The following FOLR2 variants were observed in gnomAD, a reference collection of about 807,000 sequenced individuals.
The protein encoded by FOLR2 is folate receptor beta.
Under a neutral mutation model 20.4 loss-of-function variants are expected in FOLR2, and 14 were observed. That is an observed-to-expected ratio of 0.68 (90% CI 0.45 to 1.07). The LOEUF is 1.07. Ranked by LOEUF, FOLR2 falls within the 50% of genes least tolerant of loss-of-function variation. FOLR2 has a pLI of 0.00. For synonymous variants in FOLR2, 114 were observed against 114.3 expected (o/e 1.00, Z 0.02); for missense variants, 269 against 322.6 (o/e 0.83, Z 1.27).
chr11:72,221,548 G>C lies in FOLR2; in HGVS notation c.554G>C (p.Gly185Ala), dbSNP rs1948494519. 1.2e-6 allele frequency: 2 copies of C among 1,614,054 alleles called. No individual in the cohort carries two copies. Among genetic ancestry groups the C allele is most frequent in the East Asian group, 4.5e-5 (2 of 44,882 alleles). ...CCCACTCCAGCTGCCCTTTGTGAAG[G>C]CCTCTGGAGTCACTCATACAAGGTC... ...YFPTPAALCEGLWSHSYKVSN... is the reference protein window; with the variant it reads ...YFPTPAALCEALWSHSYKVSN... The change falls in exon 5 of 5, where the codon GGC becomes GCC. Residue 185 changes from glycine to alanine, a missense_variant. Physicochemically the swap from Gly to Ala is moderately conservative, Grantham distance 60. Transcript: ENST00000298223.
intron 2 of FOLR2, among the ~76,000 whole-genome samples, chr11:72,220,068 C>T (rs1948458425): frequency 1.3e-5 from 2 of 152,134 alleles, no homozygotes; most frequent in Non-Finnish European, 2.9e-5. Context: ...GTCTCAAACT[C>T]CTGACCTCAG....
At position 72,221,616 on chromosome 11, in the gene FOLR2, T is replaced by C. The variant is rs1434526721; in HGVS notation, c.622T>C (p.Phe208Leu). The C allele has an allele frequency of 4.3e-6, 7 of 1,614,136 alleles. No individual in the cohort carries two copies. The change falls in exon 5 of 5, where the codon TTT (phenylalanine) becomes CTT (leucine). Residue 208 changes from phenylalanine (F) to leucine (L), a missense_variant. By Grantham distance (22) the Phe-to-Leu change is conservative (BLOSUM62 0). Transcript: ENST00000298223. ...RGSGRCIQMW[F>L]DSAQGNPNEE... ...GAGCGGCCGCTGCATCCAGATGTGGTTTGATTCAGCCCAGGGCAACCCCAA... is the reference window on the plus strand; with the variant it reads ...GAGCGGCCGCTGCATCCAGATGTGGCTTGATTCAGCCCAGGGCAACCCCAA...
rs1281660102 is a variant in FOLR2, at chr11:72,221,627, C to T, written c.633C>T (p.Ala211=). 6.2e-7 allele frequency: 1 copy of T among 1,614,030 alleles called. No homozygotes were observed. The highest frequency in any genetic ancestry group is 8.5e-7 in the Non-Finnish European group (1 of 1,180,036). ...GRCIQMWFDS[A]QGNPNEEVAR... ...GCATCCAGATGTGGTTTGATTCAGC[C>T]CAGGGCAACCCCAACGAGGAAGTGG... Residue 211 remains alanine (A), a synonymous_variant, in exon 5 of 5, where the codon GCC becomes GCT. Transcript: ENST00000298223.
Position 72,221,069 on chromosome 11 carries a change from T to TTGGGGCCC in FOLR2, c.339+11_339+12insTGGGGCCC. ...CCCTGGATCCAGCAGGTAGGGTGTC[T>TTGGGGCCC]CCCCCCCACCCACCCCAGCAGACTG... is the stretch of plus-strand genomic sequence containing the variant. On this transcript the variant is annotated intron_variant, in intron 3 of 4. Transcript: ENST00000298223. 1.4e-6 allele frequency: 1 copy of TTGGGGCCC among 717,300 alleles called. No individual in the cohort carries two copies. The highest frequency in any genetic ancestry group is 2.2e-6 in the Non-Finnish European group (1 of 458,084). The allele number at this position is 717,300 out of a possible 1,614,324, so 44.4% of individuals were successfully genotyped here.
In FOLR2 at chr11:72,221,838, C is replaced by A; in HGVS notation, c.*76C>A. ...TCAGCTCAGCTCCCACAAATGACAG[C>A]CCCTTAAGCATGCTTCTATTAGTCA... On this transcript the variant is annotated 3_prime_UTR_variant, in exon 5 of 5. Transcript: ENST00000298223. 7.1e-7 allele frequency: 1 copy of A among 1,410,322 alleles called. No homozygotes were observed. The highest frequency in any genetic ancestry group is 9.7e-7 in the Non-Finnish European group (1 of 1,029,254). 87.4% of individuals were successfully genotyped at this position (1,410,322 alleles called of 1,614,324 possible). A position where few individuals can be genotyped will look rare whatever the true frequency, so the allele number is the denominator to read the frequency against.
At chr11:72,220,275 G>A (rs1469116123) in intron 2 of FOLR2, among the ~76,000 whole-genome samples, 6 of 152,178 alleles carry the variant, frequency 3.9e-5, no homozygotes, top group Non-Finnish European at 7.3e-5. Flanking sequence ...ATTACTCCAT[G>A]GCTCGCTCCC....
At chr11:72,221,117 G>C in intron 3 of FOLR2, 59 bp downstream of exon 3, 5 of 1,300,952 alleles carry the variant, frequency 3.8e-6, no homozygotes, top group Non-Finnish European at 5.0e-6. Context: ...GTCACTTCAA[G>C]GCGATGGCTG....
Position 72,216,929 on chromosome 11 carries a change from A to G in FOLR2, c.-25+4A>G, listed in dbSNP as rs371443707. On this transcript the variant is annotated splice_donor_region_variant and intron_variant, in intron 1 of 4. Coordinates refer to ENST00000298223, the MANE Select transcript of FOLR2 (RefSeq NM_000803.5). The stretch of plus-strand genomic sequence containing the variant: ...CCCAGCAGCAACGGAGGTTCAGGCA[A>G]GATGCCCGAAGGAGGGAAGGGTGAC... 6 of 1,599,572 alleles carry G rather than the reference A, an allele frequency of 3.8e-6. No homozygotes were observed. In the African/African-American group the frequency reaches 8.0e-5, roughly 21 times the overall value.
intron 2 of FOLR2, among the ~76,000 whole-genome samples, chr11:72,220,373 T>C (rs1258035517): frequency 6.6e-6 from 1 of 152,258 alleles, no homozygotes; most frequent in Non-Finnish European, 1.5e-5. Flanking sequence ...TTCCTGCTCA[T>C]ATCATTTAAC....
intron 3 of FOLR2, 49 bp downstream of exon 3, chr11:72,221,107 G>A: frequency 1.1e-6 from 1 of 920,308 alleles, no homozygotes; most frequent in Non-Finnish European, 1.3e-6. Context: ...ATCCCCCTCA[G>A]TCACTTCAAG....
chr11:72,217,490 T>G, intron 1 of FOLR2: 1 of 882,542 alleles, frequency 1.1e-6, no homozygotes, highest in Non-Finnish European at 1.6e-6. Context: ...ATCCACTCTT[T>G]AGTGACAGAG....
intron 1 of FOLR2, among the ~76,000 whole-genome samples, chr11:72,218,189 C>G (rs1565372984): frequency 1.3e-5 from 2 of 152,194 alleles, no homozygotes; most frequent in Non-Finnish European, 2.9e-5. Context: ...CCTTGCTGGA[C>G]AGAGGGTGAA....
rs746752162 is a variant in FOLR2, at chr11:72,221,466, G to A, written c.476-4G>A. On this transcript the variant is annotated splice_region_variant and splice_polypyrimidine_tract_variant and intron_variant, in intron 4 of 4. Transcript: ENST00000298223. ...GTCTGTGTCCACCATGCCTCTCCCT[G>A]CAGGAGTTAACAAGTGCCCAGCTGG... The A allele has an allele frequency of 1.2e-6, 2 of 1,613,268 alleles. No homozygotes were observed. Among genetic ancestry groups the A allele is most frequent in the South Asian group, 2.2e-5 (2 of 91,030 alleles).
intron 4 of FOLR2, 76 bp downstream of exon 4, chr11:72,221,387 G>A (rs1403012813): frequency 6.3e-7 from 1 of 1,597,442 alleles, no homozygotes; most frequent in African/African-American, 1.3e-5. Flanking sequence ...ATTTGGGGTG[G>A]GGTGAAGATT....
Position 72,221,067 on chromosome 11 carries a change from T to TCGGGGGGGGGGCCCC in FOLR2, c.339+10_339+11insGGGGGGGGGGCCCCC. The TCGGGGGGGGGGCCCC allele has an allele frequency of 3.2e-5, 50 of 1,569,488 alleles. No homozygotes were observed. Among genetic ancestry groups the TCGGGGGGGGGGCCCC allele is most frequent in the Non-Finnish European group, 4.2e-5 (48 of 1,154,358 alleles). On this transcript the variant is annotated intron_variant, in intron 3 of 4. Transcript: ENST00000298223. The stretch of plus-strand genomic sequence containing the variant: ...GGCCCTGGATCCAGCAGGTAGGGTG[T>TCGGGGGGGGGGCCCC]CTCCCCCCCACCCACCCCAGCAGAC...
intron 2 of FOLR2, 126 bp from the exon 3 acceptor site, chr11:72,220,744 G>A (rs1409288295): frequency 8.5e-7 from 1 of 1,173,362 alleles, no homozygotes; most frequent in Non-Finnish European, 1.2e-6. Context: ...CATCATCTGG[G>A]AACCTGAGTG....
In FOLR2 at chr11:72,221,658, T is replaced by C; in HGVS notation, c.664T>C (p.Phe222Leu). The stretch of plus-strand genomic sequence containing the variant: ...CAACCCCAACGAGGAAGTGGCGAGG[T>C]TCTATGCTGCAGCCATGCATGTGAA... Reference protein sequence around the residue: ...QGNPNEEVARFYAAAMHVNAG... With the variant: ...QGNPNEEVARLYAAAMHVNAG... The change falls in exon 5 of 5, where the codon TTC (phenylalanine) becomes CTC (leucine). Residue 222 changes from phenylalanine to leucine, a missense_variant. Phe to Leu is a conservative substitution (Grantham distance 22). Coordinates refer to ENST00000298223, the MANE Select transcript of FOLR2 (RefSeq NM_000803.5). 6.2e-7 allele frequency: 1 copy of C among 1,613,954 alleles called. No individual in the cohort carries two copies.
intron 2 of FOLR2, 46 bp from the exon 3 acceptor site, chr11:72,220,824 G>A (rs1735854766): frequency 6.2e-7 from 1 of 1,610,912 alleles, no homozygotes; most frequent in Non-Finnish European, 8.5e-7. Context: ...GTGGCAGGAG[G>A]AGGAGGGTAT....
rs201609744 is a variant in FOLR2, at chr11:72,221,714, T to C, written c.720T>C (p.Gly240=). The C allele has an allele frequency of 1.9e-6, 3 of 1,613,534 alleles. No homozygotes were observed. The highest frequency in any genetic ancestry group is 2.5e-6 in the Non-Finnish European group (3 of 1,179,802). The change falls in exon 5 of 5, where the codon GGT becomes GGC. Residue 240 remains glycine (G), a synonymous_variant. Coordinates refer to ENST00000298223, the MANE Select transcript of FOLR2 (RefSeq NM_000803.5). ...NAGEMLHGTG[G]LLLSLALMLQ... is the part of the protein sequence containing the mutation. ...GTGAGATGCTTCATGGGACTGGGGG[T>C]CTCCTGCTCAGTCTGGCCCTGATGC...
Sources: gnomAD v4.1 joint callset for allele counts (sites outside exome capture counted in the v4.1 genomes callset) on GRCh38, gnomAD v4.1.1 for gene constraint, MANE v1.5 for transcripts, NCBI Gene and HGNC (gene_info 2026-07-23, HGNC 2026-07-21) for gene names.